Variants in PIEZO2 observed in about 807,000 individuals in gnomAD.
PIEZO2 encodes piezo type mechanosensitive ion channel component 2.
A neutral mutation model predicts 337.3 loss-of-function variants in PIEZO2; 172 were observed. The ratio of observed to expected loss-of-function variants is 0.51; its 90% CI spans 0.45 to 0.58. PIEZO2 has a LOEUF of 0.58. PIEZO2 is among the 20% of genes least tolerant of loss of function. The pLI is 0.00. For missense variants in PIEZO2, 3,028 were observed against 3,391.3 expected (o/e 0.89, Z 2.66); for synonymous variants, 1,251 against 1,228.5 (o/e 1.02, Z -0.38).
intron 7 of PIEZO2, among the ~76,000 whole-genome samples, chr18:10,818,339 A>G (rs2040424529): frequency 6.6e-6 from 1 of 152,240 alleles, no homozygotes; most frequent in Admixed American, 6.5e-5. Flanking sequence ...ATAAGAAGTT[A>G]ATATGTAGCC....
intron 3 of PIEZO2, among the ~76,000 whole-genome samples, chr18:10,926,668 G>A (rs2031758107): frequency 6.6e-6 from 1 of 152,158 alleles, no homozygotes; most frequent in Non-Finnish European, 1.5e-5. Flanking sequence ...AGCAAGAGCT[G>A]ATGAAAAATA....
chr18:10,890,963 T>A (rs2042737268), intron 4 of PIEZO2, among the ~76,000 whole-genome samples: 1 of 152,188 alleles, frequency 6.6e-6, no homozygotes, highest in Non-Finnish European at 1.5e-5. Flanking sequence ...ATATCGAATC[T>A]CCTTGCAAGT....
chr18:11,120,003 A>G lies in PIEZO2; in HGVS notation c.64+28522T>C, dbSNP rs145056820. On this transcript the variant is annotated intron_variant, in intron 1 of 55. Transcript: ENST00000674853. ...CTCCATGTTATAATTTGGAATAGTC[A>G]TAAGATAATCAGGATAATCAGTCTC... Among the ~76,000 whole-genome samples the G allele has an allele frequency of 3.5e-3, 540 of 152,320 alleles. 5 individuals carry two copies. Among genetic ancestry groups the G allele is most frequent in the African/African-American group, 0.012 (511 of 41,566 alleles).
intron 7 of PIEZO2, among the ~76,000 whole-genome samples, chr18:10,844,187 G>T (rs1364175409): frequency 6.6e-6 from 1 of 152,124 alleles, no homozygotes; most frequent in Non-Finnish European, 1.5e-5. Flanking sequence ...GGGAGGCCAA[G>T]GAGGGCGGAT....
intron 3 of PIEZO2, among the ~76,000 whole-genome samples, chr18:10,935,948 G>A (rs2032368369): frequency 1.3e-5 from 2 of 152,212 alleles, no homozygotes; most frequent in African/African-American, 4.8e-5. Context: ...GAAGAAAGAT[G>A]TGATAGTGGG....
At chr18:10,796,895 CCAT>C (rs1290895201) in intron 12 of PIEZO2, among the ~76,000 whole-genome samples, 3 of 152,270 alleles carry the variant, frequency 2.0e-5, no homozygotes, top group African/African-American at 7.2e-5. Context: ...ATCATACATA[CCAT>C]CATATCATAT....
intron 1 of PIEZO2, among the ~76,000 whole-genome samples, chr18:11,081,097 C>CCTGAGTCAT (rs2038721897): frequency 1.3e-5 from 2 of 152,140 alleles, no homozygotes. Flanking sequence ...AAGAAAGTTT[C>CCTGAGTCAT]CTGAGTCATG....
rs1388940835 is a variant in PIEZO2 at position 10,850,662 on chromosome 18, A to G, written c.917+4691T>C. On this transcript the variant is annotated intron_variant, in intron 7 of 55. Coordinates refer to ENST00000674853, the MANE Select transcript of PIEZO2 (RefSeq NM_001378183.1). This position sits in a 1 kb window ranked among gnomAD's most constrained non-coding sequence, Gnocchi z 4.5. ...AAATTACATTTTAGAACATTTTATAACATAGGAAAATACACAGTTTGCATA... is the reference window on the plus strand; with the variant it reads ...AAATTACATTTTAGAACATTTTATAGCATAGGAAAATACACAGTTTGCATA... 6.6e-6 allele frequency among the ~76,000 whole-genome samples: 1 copy of G among 152,228 alleles called. No homozygotes were observed. The highest frequency in any genetic ancestry group is 2.4e-5 in the African/African-American group (1 of 41,466).
chr18:10,727,955 C>CAAAAAAAAAAAAAAAAAA lies in PIEZO2; in HGVS notation c.5029+3451_5029+3452insTTTTTTTTTTTTTTTTTT, dbSNP rs200468246. ...AGCCAGACAATTAAAACAGTAATAA[C>CAAAAAAAAAAAAAAAAAA]AAAAAAAAAAAAGAAAAAAGAAAAA... On this transcript the variant is annotated intron_variant, in intron 36 of 55. Transcript: ENST00000674853. This position sits in a 1 kb window ranked among gnomAD's most constrained non-coding sequence, Gnocchi z 6.3. 9.4e-6 allele frequency: 1 copy of CAAAAAAAAAAAAAAAAAA among 106,722 alleles called. No homozygotes were observed. 6.6% of individuals were successfully genotyped at this position (106,722 alleles called of 1,614,324 possible).
intron 1 of PIEZO2, among the ~76,000 whole-genome samples, chr18:11,135,253 T>C (rs2040448999): frequency 6.6e-6 from 1 of 152,122 alleles, no homozygotes; most frequent in African/African-American, 2.4e-5. Flanking sequence ...AACTCAGACA[T>C]GAGTTCCTTT....
chr18:10,891,787 A>G (rs1484535264), intron 4 of PIEZO2, among the ~76,000 whole-genome samples: 1 of 152,246 alleles, frequency 6.6e-6, no homozygotes, highest in Non-Finnish European at 1.5e-5. Flanking sequence ...ATAGTAATCA[A>G]ATGAGTGATA....
intron 1 of PIEZO2, among the ~76,000 whole-genome samples, chr18:11,133,461 C>T (rs2040395465): frequency 6.6e-6 from 1 of 152,030 alleles, no homozygotes; most frequent in African/African-American, 2.4e-5. Context: ...AGAATTGATC[C>T]TGGGTGTGTC....
At position 10,750,929 on chromosome 18, in the gene PIEZO2, T is replaced by C. The variant is rs1463836916; in HGVS notation, c.4168-742A>G. On this transcript the variant is annotated intron_variant, in intron 28 of 55. Transcript: ENST00000674853. The surrounding 1 kb of genome is among the most constrained non-coding windows in gnomAD (Gnocchi z 4.1). Reference sequence around the variant, plus strand: ...CTGGGAATATTCCAGTCCTACACCATCATGTCCTGCTTTTGTTCCTGTTTT... The same window carrying C: ...CTGGGAATATTCCAGTCCTACACCACCATGTCCTGCTTTTGTTCCTGTTTT... 6.6e-6 allele frequency among the ~76,000 whole-genome samples: 1 copy of C among 152,156 alleles called. No individual in the cohort carries two copies. Among genetic ancestry groups the C allele is most frequent in the Non-Finnish European group, 1.5e-5 (1 of 68,016 alleles).
chr18:11,068,780 TCAGAC>T (rs2038240799), intron 1 of PIEZO2, among the ~76,000 whole-genome samples: 1 of 151,774 alleles, frequency 6.6e-6, no homozygotes, highest in East Asian at 1.9e-4. Context: ...TCCACAAACC[TCAGAC>T]TCAGAAGAAG....
At chr18:10,805,827 G>A (rs924759121) in intron 8 of PIEZO2, among the ~76,000 whole-genome samples, 1 of 152,220 alleles carries the variant, frequency 6.6e-6, no homozygotes, top group East Asian at 1.9e-4. Context: ...ACTGAGATGG[G>A]GGGGAGGTAG....
chr18:10,733,053 GA>G (rs1432940886), intron 35 of PIEZO2, among the ~76,000 whole-genome samples: 1 of 152,070 alleles, frequency 6.6e-6, no homozygotes, highest in African/African-American at 2.4e-5. Context: ...TTTCTCTGAA[GA>G]AAAAGGAAAC....
In PIEZO2 at chr18:10,724,575, G is replaced by C. The variant is rs1178808680; in HGVS notation, c.5030-6316C>G. ...CTGTGTCCCCAGAAGTCGACAGTGT[G>C]GGGAGTTGGAGTGACCCAGCTGGAT... On this transcript the variant is annotated intron_variant, in intron 36 of 55. Transcript: ENST00000674853. The surrounding 1 kb of genome is among the most constrained non-coding windows in gnomAD (Gnocchi z 5.8). 6 of 573,436 alleles carry C rather than the reference G, an allele frequency of 1.0e-5. No homozygotes were observed. Among genetic ancestry groups the C allele is most frequent in the Non-Finnish European group, 1.6e-5 (5 of 314,986 alleles). 35.5% of individuals were successfully genotyped at this position (573,436 alleles called of 1,614,324 possible). A position where few individuals can be genotyped will look rare whatever the true frequency, so the allele number is the denominator to read the frequency against.
chr18:11,029,116 C>T (rs1193963620), intron 2 of PIEZO2, among the ~76,000 whole-genome samples: 1 of 152,070 alleles, frequency 6.6e-6, no homozygotes, highest in Non-Finnish European at 1.5e-5. Context: ...TAGTGTAGGC[C>T]TTCTCCATAT....
chr18:11,073,158 C>T (rs965662614), intron 1 of PIEZO2, among the ~76,000 whole-genome samples: 2 of 152,154 alleles, frequency 1.3e-5, no homozygotes, highest in East Asian at 1.9e-4. Context: ...TTATTCATAG[C>T]AAAGTCCAAC....
Sources: allele counts gnomAD v4.1 joint callset (sites outside exome capture counted in the v4.1 genomes callset), GRCh38; gene constraint gnomAD v4.1.1; non-coding constraint Gnocchi (gnomAD v3.1); transcripts MANE v1.5; gene names NCBI Gene and HGNC (gene_info 2026-07-23, HGNC 2026-07-21).